The following PIGU variants were observed in gnomAD, a reference collection of about 807,000 sequenced individuals.
The protein encoded by PIGU is GPI-anchor transamidase component PIGU.
PIGU carries 24 observed loss-of-function variants against 49.9 expected under a neutral mutation model. The observed-to-expected ratio is 0.48, with a 90% CI of 0.35 to 0.68. PIGU has a LOEUF of 0.68. Ranked by LOEUF, PIGU falls within the 30% of genes least tolerant of loss-of-function variation. PIGU has a pLI of 0.01. For missense variants in PIGU, 490 were observed against 532.6 expected, an observed-to-expected ratio of 0.92 and a Z score of 0.79; for synonymous variants, 220 against 205.7, an observed-to-expected ratio of 1.07 and a Z score of -0.59.
rs367848167 is a variant in PIGU at position 34,585,508 on chromosome 20, G to A, written c.855C>T (p.Phe285=). ...WYFFAEMFEH[F]SLFFVCVFQI... is the part of the protein sequence containing the mutation. ...GAAACACACATACAAAGAAGAGGCT[G>A]AAGTGCTCAAACATCTCTGCAAAGA... The change falls in exon 9 of 12, where the codon TTC becomes TTT. Residue 285 remains phenylalanine (F), a synonymous_variant. Coordinates refer to ENST00000217446, the MANE Select transcript of PIGU (RefSeq NM_080476.5). The A allele has an allele frequency of 3.1e-6, 5 of 1,613,182 alleles. No homozygotes were observed. Among genetic ancestry groups the A allele is most frequent in the Non-Finnish European group, 3.4e-6 (4 of 1,179,170 alleles).
intron 2 of PIGU, among the ~76,000 whole-genome samples, chr20:34,656,473 G>A (rs886476337): frequency 2.7e-5 from 4 of 148,670 alleles, no homozygotes; most frequent in African/African-American, 5.0e-5. Context: ...CAGTAGAGAC[G>A]GGGTTTCACC....
At chr20:34,612,238 G>A (rs1984842776) in intron 7 of PIGU, among the ~76,000 whole-genome samples, 1 of 152,120 alleles carries the variant, frequency 6.6e-6, no homozygotes, top group African/African-American at 2.4e-5. Context: ...ATCATCCTTA[G>A]CAAACTAACA....
intron 6 of PIGU, among the ~76,000 whole-genome samples, chr20:34,623,362 A>G (rs1465680711): frequency 6.6e-6 from 1 of 151,588 alleles, no homozygotes; most frequent in Non-Finnish European, 1.5e-5. Flanking sequence ...TCTCAGAGCA[A>G]TCCGTACATA....
At chr20:34,642,845 C>T (rs1434003158) in intron 4 of PIGU, among the ~76,000 whole-genome samples, 1 of 150,080 alleles carries the variant, frequency 6.7e-6, no homozygotes, top group African/African-American at 2.5e-5. Flanking sequence ...CCAATCTCCA[C>T]CACCTGGGTT....
intron 1 of PIGU, among the ~76,000 whole-genome samples, chr20:34,662,840 T>C (rs999635133): frequency 4.6e-5 from 7 of 152,340 alleles, no homozygotes; most frequent in Admixed American, 2.6e-4. Context: ...GCTTGATTTT[T>C]TTCATCTTCA....
rs1225131723 is a variant in PIGU, at chr20:34,659,000, G to A, written c.131-1756C>T. Among the ~76,000 whole-genome samples the A allele has an allele frequency of 9.1e-5, 13 of 142,880 alleles. No homozygotes were observed. In the South Asian group the frequency reaches 2.5e-3, roughly 27 times the overall value. The allele number at this position is 142,880 out of a possible 152,430, so 93.7% of individuals were successfully genotyped here. A position where few individuals can be genotyped will look rare whatever the true frequency, so the allele number is the denominator to read the frequency against. ...CCGCCCCGTCCGGGAGGTGAGGGGC[G>A]CCTCTGCCCGGCCACCCCCTACTGG... On this transcript the variant is annotated intron_variant, in intron 1 of 11. Coordinates refer to ENST00000217446, the MANE Select transcript of PIGU (RefSeq NM_080476.5).
rs867712608 is a variant in PIGU at position 34,658,149 on chromosome 20, C to T, written c.131-905G>A. 1.6e-3 allele frequency among the ~76,000 whole-genome samples: 247 copies of T among 152,352 alleles called. 1 individual carries two copies. The highest frequency in any genetic ancestry group is 5.6e-3 in the African/African-American group (231 of 41,576). On this transcript the variant is annotated intron_variant, in intron 1 of 11. Transcript: ENST00000217446. ...CTGCGATTGCAGGCGCGCGCCGCCACGCCTGACTGGTTTTCGTATTTTTTT... is the reference window on the plus strand; with the variant it reads ...CTGCGATTGCAGGCGCGCGCCGCCATGCCTGACTGGTTTTCGTATTTTTTT...
intron 2 of PIGU, among the ~76,000 whole-genome samples, chr20:34,650,735 A>T (rs1433913206): frequency 8.1e-5 from 2 of 24,774 alleles, no homozygotes; most frequent in African/African-American, 1.4e-4. Context: ...TTTTTTTGAG[A>T]AGGAGTCTCA....
At chr20:34,589,177 G>C (rs1039593060) in intron 7 of PIGU, among the ~76,000 whole-genome samples, 14 of 150,718 alleles carry the variant, frequency 9.3e-5, no homozygotes, top group Non-Finnish European at 1.3e-4. Context: ...ACATAGATTA[G>C]AAGGACATAT....
At chr20:34,661,752 G>A (rs1038100133) in intron 1 of PIGU, among the ~76,000 whole-genome samples, 2 of 152,026 alleles carry the variant, frequency 1.3e-5, no homozygotes, top group African/African-American at 2.4e-5. Flanking sequence ...TTGATGGGTC[G>A]AATGGCAGTT....
intron 7 of PIGU, among the ~76,000 whole-genome samples, chr20:34,604,165 G>T (rs916788700): frequency 6.6e-6 from 1 of 152,042 alleles, no homozygotes; most frequent in Non-Finnish European, 1.5e-5. Context: ...ATGTTAACTC[G>T]CAGTTACAAT....
rs1032126740 is a variant in PIGU, at chr20:34,634,481, A to G, written c.529+134T>C. The G allele has an allele frequency of 4.5e-6, 6 of 1,328,220 alleles. No individual in the cohort carries two copies. In the African/African-American group the frequency reaches 7.5e-5, roughly 17 times the overall value. 82.3% of individuals were successfully genotyped at this position (1,328,220 alleles called of 1,614,324 possible). A position where few individuals can be genotyped will look rare whatever the true frequency, so the allele number is the denominator to read the frequency against. On this transcript the variant is annotated intron_variant, in intron 6 of 11. Transcript: ENST00000217446. ...GACTACATTTTCTAAATAATCTTGT[A>G]TTACTTGTGTAATTTTTAAAAATGT... is the stretch of plus-strand genomic sequence containing the variant.
chr20:34,589,290 GAAAT>G (rs1983847704), intron 7 of PIGU, among the ~76,000 whole-genome samples: 1 of 152,100 alleles, frequency 6.6e-6, no homozygotes, highest in African/African-American at 2.4e-5. Flanking sequence ...AAAATGAAAA[GAAAT>G]AAACAAGTAA....
chr20:34,585,520 C>T lies in PIGU; in HGVS notation c.843G>A (p.Met281Ile), dbSNP rs1199132463. 1 of 1,613,314 alleles carries T rather than the reference C, an allele frequency of 6.2e-7. No homozygotes were observed. The highest frequency in any genetic ancestry group is 1.3e-5 in the African/African-American group (1 of 74,918). Residue 281 changes from methionine (M) to isoleucine (I), a missense_variant, in exon 9 of 12, where the codon ATG becomes ATA. Met to Ile is a conservative substitution (Grantham distance 10). Coordinates refer to ENST00000217446, the MANE Select transcript of PIGU (RefSeq NM_080476.5). Reference protein sequence around the residue: ...IGLFWYFFAEMFEHFSLFFVC... With the variant: ...IGLFWYFFAEIFEHFSLFFVC... ...CAAAGAAGAGGCTGAAGTGCTCAAA[C>T]ATCTCTGCAAAGAAGTACCAGAAAA... is the stretch of plus-strand genomic sequence containing the variant.
At chr20:34,657,799 G>C (rs1986749219) in intron 1 of PIGU, among the ~76,000 whole-genome samples, 1 of 151,996 alleles carries the variant, frequency 6.6e-6, no homozygotes, top group Non-Finnish European at 1.5e-5. Flanking sequence ...TCAGAGTACT[G>C]AACAATTAGA....
At chr20:34,606,343 T>C (rs1984613709) in intron 7 of PIGU, among the ~76,000 whole-genome samples, 1 of 152,106 alleles carries the variant, frequency 6.6e-6, no homozygotes, top group South Asian at 2.1e-4. Flanking sequence ...AAACATCCTT[T>C]ATAGCTGTTT....
At chr20:34,593,575 T>C (rs1984079710) in intron 7 of PIGU, among the ~76,000 whole-genome samples, 1 of 152,158 alleles carries the variant, frequency 6.6e-6, no homozygotes, top group African/African-American at 2.4e-5. Flanking sequence ...CCAAAATACA[T>C]ATGGCAATTT....
intron 1 of PIGU, among the ~76,000 whole-genome samples, chr20:34,674,218 G>A (rs1482971484): frequency 6.6e-6 from 1 of 151,916 alleles, no homozygotes; most frequent in Non-Finnish European, 1.5e-5. Flanking sequence ...AGCTGGGCAT[G>A]GTGGCGGGCA....
chr20:34,585,670 T>TG, intron 8 of PIGU, 90 bp from the exon 9 acceptor site: 1 of 1,462,326 alleles, frequency 6.8e-7, no homozygotes, highest in South Asian at 1.3e-5. Context: ...CTTTGGTCAC[T>TG]GCTGGGCAGC....
Sources: allele counts gnomAD v4.1 joint callset (sites outside exome capture counted in the v4.1 genomes callset), GRCh38; gene constraint gnomAD v4.1.1; transcripts MANE v1.5; gene names NCBI Gene and HGNC (gene_info 2026-07-23, HGNC 2026-07-21).